SGCZ: variants seen among roughly 807,000 people sequenced by gnomAD.
SGCZ encodes sarcoglycan zeta.
SGCZ carries 40 observed loss-of-function variants against 41.3 expected under a neutral mutation model. The ratio of observed to expected loss-of-function variants is 0.97; its 90% CI spans 0.75 to 1.26. SGCZ has a LOEUF of 1.26. SGCZ is among the 50% of genes most tolerant of loss of function. The pLI, the probability that SGCZ is intolerant of heterozygous loss-of-function variation, is 0.00. For synonymous variants in SGCZ, 206 were observed against 137.5 expected (o/e 1.50, Z -3.49); for missense variants, 552 against 369.8 (o/e 1.49, Z -4.04).
At chr8:14,819,017 T>C (rs1363525454) in intron 1 of SGCZ, among the ~76,000 whole-genome samples, 1 of 152,068 alleles carries the variant, frequency 6.6e-6, no homozygotes, top group Non-Finnish European at 1.5e-5. Flanking sequence ...ATTCTATGTA[T>C]TGGGATATGG....
rs983448621 is a variant in SGCZ at position 15,168,580 on chromosome 8, T to G, written c.39+69005A>C. The stretch of plus-strand genomic sequence containing the variant: ...ATGGAAGACGGAGAGAAGACGCTCT[T>G]CCCTGTCTCCATCACTTACCCCCGG... On this transcript the variant is annotated intron_variant, in intron 1 of 7. Transcript: ENST00000382080. Among the ~76,000 whole-genome samples the G allele has an allele frequency of 5.7e-4, 87 of 152,108 alleles. 2 individuals carry two copies. The highest frequency in any genetic ancestry group is 4.0e-3 in the Admixed American group (61 of 15,270).
At chr8:15,237,255 C>CCG (rs1563200823) in intron 1 of SGCZ, among the ~76,000 whole-genome samples, 1 of 152,056 alleles carries the variant, frequency 6.6e-6, no homozygotes, top group Non-Finnish European at 1.5e-5. Flanking sequence ...TGCCGCTGCC[C>CCG]CCCCCGGGGA....
chr8:14,582,677 G>T (rs1198779877), intron 1 of SGCZ, among the ~76,000 whole-genome samples: 4 of 105,470 alleles, frequency 3.8e-5, no homozygotes, highest in Non-Finnish European at 5.2e-5. Flanking sequence ...CCCCACAACA[G>T]TCCCCAGAGT....
At chr8:14,389,572 C>T (rs928028720) in intron 2 of SGCZ, among the ~76,000 whole-genome samples, 4 of 151,328 alleles carry the variant, frequency 2.6e-5, no homozygotes, top group South Asian at 2.1e-4. Context: ...ACCTGAAACT[C>T]TAATCAGGGT....
intron 1 of SGCZ, among the ~76,000 whole-genome samples, chr8:15,106,633 C>G (rs1310621904): frequency 1.3e-5 from 2 of 152,034 alleles, no homozygotes; most frequent in Non-Finnish European, 2.9e-5. Context: ...TTACTAGTTT[C>G]ATTTGTAGAT....
At position 14,414,964 on chromosome 8, in the gene SGCZ, T is replaced by C. The variant is rs988895605; in HGVS notation, c.235-90760A>G. Among the ~76,000 whole-genome samples, 7 of 152,100 alleles carry C rather than the reference T, an allele frequency of 4.6e-5. No individual in the cohort carries two copies. In the East Asian group the frequency reaches 9.6e-4, roughly 21 times the overall value. On this transcript the variant is annotated intron_variant, in intron 2 of 7. Coordinates refer to ENST00000382080, the MANE Select transcript of SGCZ (RefSeq NM_139167.4). Reference sequence around the variant, plus strand: ...GAAGGCACTTCAAGAAAATCACTTTTATTCATTTCTTAGTTCATTTAATAA... The same window carrying C: ...GAAGGCACTTCAAGAAAATCACTTTCATTCATTTCTTAGTTCATTTAATAA...
At chr8:14,659,802 A>G (rs778278833) in intron 1 of SGCZ, among the ~76,000 whole-genome samples, 23 of 152,184 alleles carry the variant, frequency 1.5e-4, no homozygotes, top group Non-Finnish European at 2.5e-4. Context: ...CCTCACAGTG[A>G]GATTTGGAAA....
chr8:15,194,679 C>G lies in SGCZ; in HGVS notation c.39+42906G>C, dbSNP rs111871270. On this transcript the variant is annotated intron_variant, in intron 1 of 7. Coordinates refer to ENST00000382080, the MANE Select transcript of SGCZ (RefSeq NM_139167.4). The stretch of plus-strand genomic sequence containing the variant: ...AGAAAGGGAGAGAGATCTGAAGGTT[C>G]TACACTGTGGCTTTGAAGATGGAGG... Among the ~76,000 whole-genome samples, 329 of 152,250 alleles carry G rather than the reference C, an allele frequency of 2.2e-3. 1 individual carries two copies. Among genetic ancestry groups the G allele is most frequent in the African/African-American group, 7.1e-3 (297 of 41,554 alleles).
intron 1 of SGCZ, among the ~76,000 whole-genome samples, chr8:15,076,311 G>T (rs140710331): frequency 0.019 from 2,866 of 152,164 alleles, 38 homozygotes; most frequent in Middle Eastern, 0.027. Flanking sequence ...GAGGTGATAT[G>T]GGTAAACACA....
intron 2 of SGCZ, among the ~76,000 whole-genome samples, chr8:14,544,801 C>T (rs1382957246): frequency 1.3e-5 from 2 of 152,128 alleles, no homozygotes; most frequent in South Asian, 2.1e-4. Flanking sequence ...TGTGGTTCTG[C>T]TTTTGCCCTT....
chr8:14,962,706 G>A (rs1801001691), intron 1 of SGCZ, among the ~76,000 whole-genome samples: 1 of 152,144 alleles, frequency 6.6e-6, no homozygotes, highest in African/African-American at 2.4e-5. Context: ...TGAAAGATTG[G>A]CACAGAGATA....
At chr8:14,263,411 T>C (rs1799748793) in intron 3 of SGCZ, among the ~76,000 whole-genome samples, 1 of 151,954 alleles carries the variant, frequency 6.6e-6, no homozygotes, top group African/African-American at 2.4e-5. Flanking sequence ...TAGCCAGGCG[T>C]GGAGGCACGT....
At chr8:15,177,126 C>G (rs1345748352) in intron 1 of SGCZ, among the ~76,000 whole-genome samples, 1 of 152,126 alleles carries the variant, frequency 6.6e-6, no homozygotes. Context: ...CCAGGGAGAG[C>G]AAATTCAAAG....
At chr8:14,903,045 C>T (rs967832666) in intron 1 of SGCZ, among the ~76,000 whole-genome samples, 4 of 152,130 alleles carry the variant, frequency 2.6e-5, no homozygotes, top group African/African-American at 9.6e-5. Flanking sequence ...AGCCCCTTCT[C>T]TTGCTCCTGA....
At chr8:15,044,614 T>C (rs537344208) in intron 1 of SGCZ, among the ~76,000 whole-genome samples, 36 of 152,268 alleles carry the variant, frequency 2.4e-4, no homozygotes, top group African/African-American at 8.2e-4. Context: ...AAACTCATAA[T>C]TGTGTTCAAT....
intron 1 of SGCZ, among the ~76,000 whole-genome samples, chr8:14,808,931 G>A (rs1359946608): frequency 1.3e-5 from 2 of 151,330 alleles, no homozygotes; most frequent in Non-Finnish European, 2.9e-5. Flanking sequence ...TCCTTTGTAG[G>A]GACATGGATG....
At chr8:14,942,004 T>A (rs1800291062) in intron 1 of SGCZ, among the ~76,000 whole-genome samples, 1 of 152,052 alleles carries the variant, frequency 6.6e-6, no homozygotes, top group Non-Finnish European at 1.5e-5. Flanking sequence ...TATTGGAATT[T>A]GGCTAATAGC....
intron 1 of SGCZ, among the ~76,000 whole-genome samples, chr8:14,816,448 T>G (rs971908996): frequency 6.6e-6 from 1 of 152,226 alleles, no homozygotes; most frequent in Non-Finnish European, 1.5e-5. Flanking sequence ...TTCACTGATT[T>G]CTGTTCAGTA....
chr8:14,241,284 G>A (rs1477221170), intron 3 of SGCZ, among the ~76,000 whole-genome samples: 1 of 151,690 alleles, frequency 6.6e-6, no homozygotes. Context: ...TATTCTTGCT[G>A]AGAAGATAAA....
Sources: allele counts gnomAD v4.1 joint callset (sites outside exome capture counted in the v4.1 genomes callset), GRCh38; gene constraint gnomAD v4.1.1; transcripts MANE v1.5; gene names NCBI Gene and HGNC (gene_info 2026-07-23, HGNC 2026-07-21).